IQCH: variants seen among roughly 807,000 people sequenced by gnomAD.
IQCH encodes IQ motif containing H, also known as IQ domain-containing protein H.
Under a neutral mutation model 117.0 loss-of-function variants are expected in IQCH, and 98 were observed. The observed-to-expected ratio is 0.84, with a 90% CI of 0.71 to 0.99. The LOEUF is 0.99. Among genes scored for constraint, IQCH ranks in the 50% least tolerant of loss-of-function variants. The probability of loss-of-function intolerance (pLI) is 0.00; values close to 1 mark genes in which losing one functional copy is unlikely to be tolerated. For synonymous variants in IQCH, 412 were observed against 448.2 expected, an observed-to-expected ratio of 0.92 and a Z score of 1.02; for missense variants, 1,102 against 1,243.8, an observed-to-expected ratio of 0.89 and a Z score of 1.72.
In IQCH at chr15:67,473,199, G is replaced by A. The variant is rs560741447; in HGVS notation, c.2677-2497G>A. 6.6e-6 allele frequency among the ~76,000 whole-genome samples: 1 copy of A among 152,280 alleles called. No individual in the cohort carries two copies. The highest frequency in any genetic ancestry group is 1.9e-4 in the East Asian group (1 of 5,184). ...AATTACATGCTCAGTAACCACAATG[G>A]AATTTGAGAGTGTTTACAGTTCACT... is the stretch of plus-strand genomic sequence containing the variant. On this transcript the variant is annotated intron_variant, in intron 17 of 20. Transcript: ENST00000335894. This position sits in a 1 kb window ranked among gnomAD's most constrained non-coding sequence, Gnocchi z 4.9.
intron 4 of IQCH, chr15:67,304,210 AT>A (rs1015489730): frequency 2.6e-5 from 14 of 542,766 alleles, no homozygotes; most frequent in Middle Eastern, 9.0e-4. Flanking sequence ...ATCCAAATAT[AT>A]TTTTTTCCAG....
chr15:67,336,827 G>A lies in IQCH; in HGVS notation c.388-148G>A, dbSNP rs930358170. 1.8e-5 allele frequency: 12 copies of A among 656,726 alleles called. No homozygotes were observed. The Admixed American group carries it at 2.5e-4, about 14-fold the overall frequency. 40.7% of individuals were successfully genotyped at this position (656,726 alleles called of 1,614,324 possible). ...TGATGGTAGTAGACAATAGCACAGG[G>A]TATTCATGAGCAATAAAATTGGAGC... On this transcript the variant is annotated intron_variant, in intron 4 of 20. Transcript: ENST00000335894.
intron 20 of IQCH, among the ~76,000 whole-genome samples, chr15:67,498,120 G>T (rs909472862): frequency 6.6e-6 from 1 of 152,124 alleles, no homozygotes; most frequent in African/African-American, 2.4e-5. Context: ...CAAAGCTACA[G>T]TAATCAAGAC....
intron 18 of IQCH, among the ~76,000 whole-genome samples, chr15:67,483,369 T>C (rs2083388804): frequency 6.6e-6 from 1 of 152,154 alleles, no homozygotes; most frequent in Admixed American, 6.5e-5. Flanking sequence ...ATACAAAAAT[T>C]ATCTGGGCGT....
At chr15:67,378,848 T>C (rs1435463338) in intron 10 of IQCH, among the ~76,000 whole-genome samples, 1 of 152,156 alleles carries the variant, frequency 6.6e-6, no homozygotes, top group East Asian at 1.9e-4. Context: ...ATAAAAAATA[T>C]TAAAAGGCTC....
At chr15:67,410,227 C>A (rs888281012) in intron 14 of IQCH, among the ~76,000 whole-genome samples, 1 of 152,190 alleles carries the variant, frequency 6.6e-6, no homozygotes, top group Admixed American at 6.5e-5. Flanking sequence ...AAACCCAACT[C>A]AAAATGGCTT....
In IQCH at chr15:67,435,567, T is replaced by G. The variant is rs59281131; in HGVS notation, c.2505+13990T>G. Among the ~76,000 whole-genome samples the G allele has an allele frequency of 5.6e-3, 838 of 149,876 alleles. 6 individuals are homozygous for G. The highest frequency in any genetic ancestry group is 0.02 in the African/African-American group (804 of 40,524). On this transcript the variant is annotated intron_variant, in intron 16 of 20. Transcript: ENST00000335894. ...CCACTGCACTCCAGCCTTAGTGAGA[T>G]TCTGTCTCAAAAAAATAAAAGTTGG...
intron 4 of IQCH, among the ~76,000 whole-genome samples, chr15:67,311,015 A>G (rs1467211999): frequency 1.3e-5 from 2 of 152,146 alleles, no homozygotes; most frequent in Admixed American, 1.3e-4. Context: ...TGTTTTATGT[A>G]CACTATCTTA....
In IQCH at chr15:67,391,198, G is replaced by A. The variant is rs1293346767; in HGVS notation, c.1632+2192G>A. Among the ~76,000 whole-genome samples, 1 of 152,182 alleles carries A rather than the reference G, an allele frequency of 6.6e-6. No individual in the cohort carries two copies. The highest frequency in any genetic ancestry group is 1.5e-5 in the Non-Finnish European group (1 of 68,038). ...ATAGTATAGGTTTACATCTTTGTGA[G>A]TAGAAACAAGTAGGCAAGGTTTTAA... On this transcript the variant is annotated intron_variant, in intron 12 of 20. Transcript: ENST00000335894. This position sits in a 1 kb window ranked among gnomAD's most constrained non-coding sequence, Gnocchi z 4.3.
chr15:67,463,495 A>G lies in IQCH; in HGVS notation c.2506-1632A>G, dbSNP rs12595293. 0.14 allele frequency among the ~76,000 whole-genome samples: 21,089 copies of G among 152,200 alleles called. 1,678 individuals carry two copies. The highest frequency in any genetic ancestry group is 0.21 in the East Asian group (1,073 of 5,182). On this transcript the variant is annotated intron_variant, in intron 16 of 20. Transcript: ENST00000335894. The surrounding 1 kb of genome is among the most constrained non-coding windows in gnomAD (Gnocchi z 4.0). ...CAGGTAGAATTGGATTCAGATCCCA[A>G]CACCACCACTTCCTAACTCAGTGGA...
intron 8 of IQCH, chr15:67,371,298 C>CA (rs1479531612): frequency 4.6e-5 from 15 of 323,906 alleles, no homozygotes; most frequent in South Asian, 7.9e-5. Context: ...GTGTAAAGAA[C>CA]AAAAAAAATT....
rs2083811773 is a variant in IQCH, at chr15:67,496,451, G to A, written c.2970+2085G>A. Among the ~76,000 whole-genome samples the A allele has an allele frequency of 6.6e-6, 1 of 152,132 alleles. No individual in the cohort carries two copies. The highest frequency in any genetic ancestry group is 1.5e-5 in the Non-Finnish European group (1 of 68,018). On this transcript the variant is annotated intron_variant, in intron 20 of 20. Transcript: ENST00000335894. This position sits in a 1 kb window ranked among gnomAD's most constrained non-coding sequence, Gnocchi z 4.4. ...CATAGTTAACATTGCAAGACCAAAA[G>A]CCTTCTCGCCAAGATTAGGAACAAG...
Position 67,443,605 on chromosome 15 carries a change from C to A in IQCH, c.2506-21522C>A, listed in dbSNP as rs1024475018. Among the ~76,000 whole-genome samples the A allele has an allele frequency of 2.0e-5, 3 of 152,162 alleles. No homozygotes were observed. The highest frequency in any genetic ancestry group is 7.2e-5 in the African/African-American group (3 of 41,420). On this transcript the variant is annotated intron_variant, in intron 16 of 20. Coordinates refer to ENST00000335894, the MANE Select transcript of IQCH (RefSeq NM_001031715.3). The surrounding 1 kb of genome is among the most constrained non-coding windows in gnomAD (Gnocchi z 5.0). ...ATAAAATAAATAAATGCATTATCGT[C>A]CTACCTCCCACATATTACCTTCAGT...
chr15:67,278,788 T>C (rs899992531), intron 3 of IQCH, among the ~76,000 whole-genome samples: 23 of 152,212 alleles, frequency 1.5e-4, no homozygotes, highest in Non-Finnish European at 3.1e-4. Flanking sequence ...CTAATTATAT[T>C]GATAATCTTA....
In IQCH at chr15:67,436,712, G is replaced by A. The variant is rs752050661; in HGVS notation, c.2505+15135G>A. On this transcript the variant is annotated intron_variant, in intron 16 of 20. Coordinates refer to ENST00000335894, the MANE Select transcript of IQCH (RefSeq NM_001031715.3). The surrounding 1 kb of genome is among the most constrained non-coding windows in gnomAD (Gnocchi z 5.1). ...AAGAGACTCGGGGCTGTTGTGGAGAGGCATGGTGGGAGTGAGACCGGCCCT... is the reference window on the plus strand; with the variant it reads ...AAGAGACTCGGGGCTGTTGTGGAGAAGCATGGTGGGAGTGAGACCGGCCCT... Among the ~76,000 whole-genome samples, 61 of 152,138 alleles carry A rather than the reference G, an allele frequency of 4.0e-4. No homozygotes were observed. Among genetic ancestry groups the A allele is most frequent in the Non-Finnish European group, 2.1e-4 (14 of 68,020 alleles).
At chr15:67,486,141 C>T (rs780923741) in intron 18 of IQCH, among the ~76,000 whole-genome samples, 30 of 150,842 alleles carry the variant, frequency 2.0e-4, no homozygotes, top group Non-Finnish European at 4.0e-4. Context: ...AGCAATTCTC[C>T]TACCTCAGCC....
At chr15:67,278,918 A>G (rs1966237605) in intron 3 of IQCH, among the ~76,000 whole-genome samples, 1 of 152,206 alleles carries the variant, frequency 6.6e-6, no homozygotes. Flanking sequence ...ACTGCTTAAT[A>G]AGGAAAATGT....
At chr15:67,325,453 A>T (rs1350918585) in intron 4 of IQCH, among the ~76,000 whole-genome samples, 1 of 152,136 alleles carries the variant, frequency 6.6e-6, no homozygotes, top group East Asian at 1.9e-4. Context: ...TCAATTGTTT[A>T]TGTATAGCAT....
At chr15:67,340,146 C>T (rs1179803708) in intron 5 of IQCH, among the ~76,000 whole-genome samples, 4 of 151,876 alleles carry the variant, frequency 2.6e-5, no homozygotes, top group Non-Finnish European at 5.9e-5. Flanking sequence ...AGTGACTCGT[C>T]GGCCAGCACA....
Sources: gnomAD v4.1 joint callset for allele counts (sites outside exome capture counted in the v4.1 genomes callset) on GRCh38, gnomAD v4.1.1 for gene constraint, Gnocchi (gnomAD v3.1) non-coding constraint, MANE v1.5 for transcripts, NCBI Gene and HGNC (gene_info 2026-07-23, HGNC 2026-07-21) for gene names.